Variants in SPOCK3 observed in about 807,000 individuals in gnomAD.
SPOCK3 encodes the protein SPARC (osteonectin), cwcv and kazal like domains proteoglycan 3, also known as testican-3.
A neutral mutation model predicts 56.6 loss-of-function variants in SPOCK3; 30 were observed. The observed-to-expected ratio is 0.53, with a 90% CI of 0.40 to 0.72. The LOEUF (loss-of-function observed/expected upper bound fraction) is 0.72, where lower values mean the gene tolerates loss of function less well. SPOCK3 is among the 30% of genes least tolerant of loss of function. SPOCK3 has a pLI of 0.00. For missense variants in SPOCK3, 527 were observed against 530.0 expected, an observed-to-expected ratio of 0.99 and a Z score of 0.06; for synonymous variants, 196 against 183.3, an observed-to-expected ratio of 1.07 and a Z score of -0.56.
intron 3 of SPOCK3, among the ~76,000 whole-genome samples, chr4:167,014,515 C>G (rs1750411845): frequency 6.6e-6 from 1 of 151,906 alleles, no homozygotes; most frequent in South Asian, 2.1e-4. Flanking sequence ...TTTAGCCGAG[C>G]ATGGTGACAT....
chr4:166,945,453 C>T (rs547266331), intron 4 of SPOCK3, among the ~76,000 whole-genome samples: 9 of 152,262 alleles, frequency 5.9e-5, no homozygotes, highest in South Asian at 4.1e-4. Context: ...AAACCAGGCT[C>T]GGATTTTCTT....
chr4:166,747,759 C>T (rs1273999815), intron 8 of SPOCK3, among the ~76,000 whole-genome samples: 2 of 152,072 alleles, frequency 1.3e-5, no homozygotes, highest in Non-Finnish European at 2.9e-5. Context: ...CCAAAATCCC[C>T]TTAAGCTGAT....
chr4:166,750,496 T>A (rs560119992), intron 8 of SPOCK3, among the ~76,000 whole-genome samples: 1 of 152,012 alleles, frequency 6.6e-6, no homozygotes, highest in East Asian at 1.9e-4. Context: ...CACAAATTAA[T>A]AAAATATAAA....
At chr4:166,891,917 C>T (rs748724260) in intron 5 of SPOCK3, among the ~76,000 whole-genome samples, 1 of 151,798 alleles carries the variant, frequency 6.6e-6, no homozygotes, top group Non-Finnish European at 1.5e-5. Flanking sequence ...TGTTTATCTC[C>T]CTTCATAGAT....
At chr4:167,199,694 A>AATAAT (rs575690834) in intron 2 of SPOCK3, among the ~76,000 whole-genome samples, 1 of 141,636 alleles carries the variant, frequency 7.1e-6, no homozygotes, top group African/African-American at 2.6e-5. Context: ...TGTGTGAAAT[A>AATAAT]AATAATAATA....
At chr4:166,750,983 G>C (rs1362709273) in intron 8 of SPOCK3, among the ~76,000 whole-genome samples, 5 of 151,978 alleles carry the variant, frequency 3.3e-5, no homozygotes, top group Admixed American at 6.6e-5. Flanking sequence ...ACTCCAACAG[G>C]GTACCATCTA....
At chr4:167,004,226 G>A (rs1749236640) in intron 3 of SPOCK3, among the ~76,000 whole-genome samples, 1 of 152,132 alleles carries the variant, frequency 6.6e-6, no homozygotes, top group South Asian at 2.1e-4. Context: ...TCACATGATG[G>A]TGAATGGGAG....
In SPOCK3 at chr4:166,785,944, G is replaced by C. The variant is rs1041419349; in HGVS notation, c.709+6226C>G. The stretch of plus-strand genomic sequence containing the variant: ...CTACCATATGCCAAGGCCTTTTCTA[G>C]TGCCTGCAGGTTCTACAGTGGAAAA... On this transcript the variant is annotated intron_variant, in intron 7 of 10. Coordinates refer to ENST00000357545, the MANE Select transcript of SPOCK3 (RefSeq NM_001040159.2). 2.0e-5 allele frequency among the ~76,000 whole-genome samples: 3 copies of C among 152,144 alleles called. No individual in the cohort carries two copies. In the East Asian group the frequency reaches 5.8e-4, roughly 29 times the overall value.
chr4:167,029,187 G>T (rs1752022036), intron 3 of SPOCK3, among the ~76,000 whole-genome samples: 1 of 152,002 alleles, frequency 6.6e-6, no homozygotes, highest in Non-Finnish European at 1.5e-5. Flanking sequence ...TTCTGTTCCT[G>T]AGTTAGTTTG....
At chr4:167,119,203 A>G (rs1761671021) in intron 2 of SPOCK3, among the ~76,000 whole-genome samples, 1 of 152,126 alleles carries the variant, frequency 6.6e-6, no homozygotes, top group Admixed American at 6.6e-5. Context: ...CTGTAATGGC[A>G]ATTCTATAGT....
intron 4 of SPOCK3, among the ~76,000 whole-genome samples, chr4:166,996,016 T>C (rs954651157): frequency 1.3e-5 from 2 of 152,130 alleles, no homozygotes; most frequent in African/African-American, 4.8e-5. Context: ...TACATTTAGA[T>C]CTTCTTTTAA....
At chr4:167,148,164 G>C (rs1320135116) in intron 2 of SPOCK3, among the ~76,000 whole-genome samples, 3 of 151,962 alleles carry the variant, frequency 2.0e-5, no homozygotes, top group Non-Finnish European at 4.4e-5. Context: ...GTCTTCCAGG[G>C]GATCTTTGCC....
At chr4:167,011,106 AAAG>A (rs555744736) in intron 3 of SPOCK3, 341 of 249,928 alleles carry the variant, frequency 1.4e-3, no homozygotes, top group African/African-American at 6.9e-3. Flanking sequence ...ACAGAAAAAA[AAAG>A]AGATAATCTT....
chr4:167,219,561 G>T (rs1462909773), intron 2 of SPOCK3, among the ~76,000 whole-genome samples: 1 of 151,992 alleles, frequency 6.6e-6, no homozygotes, highest in Non-Finnish European at 1.5e-5. Context: ...TGGCATTTTT[G>T]GTTCCTTTCT....
intron 2 of SPOCK3, among the ~76,000 whole-genome samples, chr4:167,227,660 T>C (rs1446571864): frequency 6.6e-6 from 1 of 152,058 alleles, no homozygotes; most frequent in Non-Finnish European, 1.5e-5. Context: ...AAAAGACATA[T>C]AAATACTCCA....
At chr4:167,084,656 T>A (rs1005031308) in intron 2 of SPOCK3, among the ~76,000 whole-genome samples, 1 of 152,102 alleles carries the variant, frequency 6.6e-6, no homozygotes, top group Non-Finnish European at 1.5e-5. Flanking sequence ...CTGGGAGGGA[T>A]CCACACTAAA....
chr4:166,743,990 G>A (rs1735223613), intron 8 of SPOCK3, among the ~76,000 whole-genome samples: 1 of 152,208 alleles, frequency 6.6e-6, no homozygotes, highest in Admixed American at 6.5e-5. Flanking sequence ...AGCAGCTCAA[G>A]GAGGCCTCCC....
intron 6 of SPOCK3, among the ~76,000 whole-genome samples, chr4:166,864,424 G>C (rs560252014): frequency 6.6e-6 from 1 of 151,978 alleles, no homozygotes; most frequent in South Asian, 2.1e-4. Context: ...ACAAGAAATA[G>C]CTAAGATCAG....
chr4:166,842,520 G>T (rs760111701), intron 6 of SPOCK3, among the ~76,000 whole-genome samples: 24 of 152,186 alleles, frequency 1.6e-4, no homozygotes, highest in Middle Eastern at 3.4e-3. Flanking sequence ...CAAACCTTGA[G>T]CTAGACACAA....
Sources: gnomAD v4.1 joint callset for allele counts (sites outside exome capture counted in the v4.1 genomes callset) on GRCh38, gnomAD v4.1.1 for gene constraint, MANE v1.5 for transcripts, NCBI Gene and HGNC (gene_info 2026-07-23, HGNC 2026-07-21) for gene names.